The following DPP6 variants were observed in gnomAD, a reference collection of about 807,000 sequenced individuals.
The protein encoded by DPP6 is A-type potassium channel modulatory protein DPP6.
DPP6 carries 69 observed loss-of-function variants against 122.6 expected under a neutral mutation model. The observed-to-expected ratio is 0.56, with a 90% CI of 0.46 to 0.69. The LOEUF is 0.69. Among genes scored for constraint, DPP6 ranks in the 30% least tolerant of loss-of-function variants. The probability of loss-of-function intolerance (pLI) is 0.00; values close to 1 mark genes in which losing one functional copy is unlikely to be tolerated. For synonymous variants in DPP6, 418 were observed against 433.1 expected (o/e 0.97, Z 0.43); for missense variants, 928 against 1,116.9 (o/e 0.83, Z 2.41).
chr7:154,415,860 G>A (rs1816971712), intron 1 of DPP6, among the ~76,000 whole-genome samples: 3 of 151,524 alleles, frequency 2.0e-5, no homozygotes, highest in African/African-American at 7.3e-5. Context: ...TTCAGATGAA[G>A]CAAGGCTAGA....
At chr7:154,599,219 C>T (rs572816375) in intron 5 of DPP6, among the ~76,000 whole-genome samples, 69 of 152,262 alleles carry the variant, frequency 4.5e-4, no homozygotes, top group Non-Finnish European at 8.5e-4. Flanking sequence ...CTCTCTGTAG[C>T]GTAAAATCCA....
chr7:154,344,931 G>A (rs12112051), intron 1 of DPP6, among the ~76,000 whole-genome samples: 10,969 of 152,116 alleles, frequency 0.072, 1,224 homozygotes, highest in African/African-American at 0.24. Context: ...GTGCTGTTGT[G>A]GGGATTAAAT....
In DPP6 at chr7:154,199,823, G is replaced by C. The variant is rs116816275; in HGVS notation, c.243+146760G>C. Among the ~76,000 whole-genome samples the C allele has an allele frequency of 6.9e-3, 1,044 of 152,156 alleles. 14 individuals carry two copies. Among genetic ancestry groups the C allele is most frequent in the African/African-American group, 0.024 (991 of 41,498 alleles). Reference sequence around the variant, plus strand: ...GGTTTTCGCCATGTTGGTCAGGCTAGTGTCTAACTCCTGACCTCAAGTGAT... The same window carrying C: ...GGTTTTCGCCATGTTGGTCAGGCTACTGTCTAACTCCTGACCTCAAGTGAT... On this transcript the variant is annotated intron_variant, in intron 1 of 25. Transcript: ENST00000377770.
intron 1 of DPP6, among the ~76,000 whole-genome samples, chr7:154,381,919 A>G (rs576936456): frequency 2.3e-4 from 35 of 152,054 alleles, no homozygotes; most frequent in African/African-American, 7.5e-4. Flanking sequence ...CTTCTGTGCT[A>G]TTTCTCCAGA....
At chr7:154,404,050 A>G (rs983959225) in intron 1 of DPP6, among the ~76,000 whole-genome samples, 2 of 152,216 alleles carry the variant, frequency 1.3e-5, no homozygotes. Context: ...CACCCCAGAG[A>G]TTAGCTCATT....
chr7:153,944,614 C>T (rs964352314), intron 1 of DPP6, among the ~76,000 whole-genome samples: 1 of 149,586 alleles, frequency 6.7e-6, no homozygotes, highest in Non-Finnish European at 1.5e-5. Flanking sequence ...ACACACGGGG[C>T]CTTGCAGGCC....
chr7:154,178,538 G>A (rs563187119), intron 1 of DPP6, among the ~76,000 whole-genome samples: 118 of 151,526 alleles, frequency 7.8e-4, no homozygotes, highest in Non-Finnish European at 1.5e-3. Flanking sequence ...AACAATTCTA[G>A]TTTAGGATCC....
chr7:153,944,996 G>A (rs981259502), intron 1 of DPP6, among the ~76,000 whole-genome samples: 5 of 152,064 alleles, frequency 3.3e-5, no homozygotes, highest in South Asian at 2.1e-4. Flanking sequence ...TGGGAGCACC[G>A]CTGTGCTTTG....
intron 1 of DPP6, among the ~76,000 whole-genome samples, chr7:154,421,608 G>A (rs1355195763): frequency 1.3e-5 from 2 of 152,184 alleles, no homozygotes; most frequent in African/African-American, 2.4e-5. Context: ...ACGGGCATGA[G>A]CCACTGCGCC....
At chr7:153,943,389 C>T (rs10487687) in intron 1 of DPP6, among the ~76,000 whole-genome samples, 56,809 of 151,956 alleles carry the variant, frequency 0.37, 10,970 homozygotes, top group African/African-American at 0.44. Context: ...CAGATCAATT[C>T]GGTACTTGAG....
At chr7:154,147,963 C>T (rs1003195892) in intron 1 of DPP6, among the ~76,000 whole-genome samples, 2 of 151,380 alleles carry the variant, frequency 1.3e-5, no homozygotes, top group Admixed American at 6.6e-5. Flanking sequence ...GAACCCAAAC[C>T]TCACAGTTAT....
intron 1 of DPP6, among the ~76,000 whole-genome samples, chr7:154,195,957 CCTT>C (rs1798845640): frequency 6.6e-6 from 1 of 152,158 alleles, no homozygotes; most frequent in East Asian, 1.9e-4. Context: ...TTGGCAAACA[CCTT>C]CTCCCTTTTC....
At chr7:153,987,305 C>CT (rs1453792596) in intron 1 of DPP6, among the ~76,000 whole-genome samples, 1 of 152,204 alleles carries the variant, frequency 6.6e-6, no homozygotes. Flanking sequence ...AGTACCATGC[C>CT]TGGGGCTTCA....
chr7:153,793,493 T>C, the DPP6 span, among the ~76,000 whole-genome samples: 4 of 148,820 alleles, frequency 2.7e-5, no homozygotes, highest in Admixed American at 6.8e-5. Context: ...GTAACTTGGG[T>C]GCTGTTAAAG....
At chr7:153,928,224 T>C (rs1332105026) in intron 1 of DPP6, among the ~76,000 whole-genome samples, 1 of 150,718 alleles carries the variant, frequency 6.6e-6, no homozygotes, top group East Asian at 1.9e-4. Context: ...TTTCTTTTTT[T>C]TTTTTGAGAT....
intron 1 of DPP6, among the ~76,000 whole-genome samples, chr7:154,022,962 A>G (rs1426641340): frequency 1.3e-5 from 2 of 152,152 alleles, no homozygotes; most frequent in Non-Finnish European, 2.9e-5. Context: ...TTCTAATCCA[A>G]GGGTCAGTAC....
chr7:154,543,166 G>C (rs1321839191), intron 4 of DPP6, among the ~76,000 whole-genome samples: 1 of 152,164 alleles, frequency 6.6e-6, no homozygotes, highest in African/African-American at 2.4e-5. Flanking sequence ...TCCAGAAGCT[G>C]TGAGCTTGTA....
At chr7:154,203,366 C>T (rs1389507863) in intron 1 of DPP6, among the ~76,000 whole-genome samples, 1 of 152,172 alleles carries the variant, frequency 6.6e-6, no homozygotes, top group Non-Finnish European at 1.5e-5. Flanking sequence ...CCTCTACATG[C>T]CACAGGCAGA....
At chr7:154,374,831 C>T (rs904761644) in intron 1 of DPP6, among the ~76,000 whole-genome samples, 11 of 152,208 alleles carry the variant, frequency 7.2e-5, no homozygotes, top group Admixed American at 3.3e-4. Context: ...AGGCTGGTCT[C>T]GAACTCCTGA....
Sources: allele counts gnomAD v4.1 joint callset (sites outside exome capture counted in the v4.1 genomes callset), GRCh38; gene constraint gnomAD v4.1.1; transcripts MANE v1.5; gene names NCBI Gene and HGNC (gene_info 2026-07-23, HGNC 2026-07-21).